The following NPAS3 variants were observed in gnomAD, a reference collection of about 807,000 sequenced individuals.
The protein encoded by NPAS3 is neuronal PAS domain-containing protein 3.
A neutral mutation model predicts 73.1 loss-of-function variants in NPAS3; 14 were observed. The ratio of observed to expected loss-of-function variants is 0.19; its 90% CI spans 0.13 to 0.30. The LOEUF (loss-of-function observed/expected upper bound fraction) is 0.30, where lower values mean the gene tolerates loss of function less well. Ranked by LOEUF, NPAS3 falls within the 10% of genes least tolerant of loss-of-function variation. The pLI, the probability that NPAS3 is intolerant of heterozygous loss-of-function variation, is 1.00. For missense variants in NPAS3, 1,096 were observed against 1,250.0 expected (o/e 0.88, Z 1.86); for synonymous variants, 620 against 541.5 (o/e 1.14, Z -2.01).
chr14:33,379,795 C>T (rs921123042), intron 4 of NPAS3, among the ~76,000 whole-genome samples: 2 of 152,032 alleles, frequency 1.3e-5, no homozygotes, highest in African/African-American at 4.8e-5. Flanking sequence ...GTGGAACACA[C>T]GTGAGGAAAG....
chr14:33,486,685 A>G (rs2051616093), intron 4 of NPAS3, among the ~76,000 whole-genome samples: 1 of 152,126 alleles, frequency 6.6e-6, no homozygotes, highest in Non-Finnish European at 1.5e-5. Context: ...TAACAACCCA[A>G]CACCTGTGAC....
At chr14:32,938,714 C>T (rs1030184569), upstream of NPAS3, among the ~76,000 whole-genome samples, 12 of 149,444 alleles carry the variant, frequency 8.0e-5, no homozygotes, top group South Asian at 2.2e-3. Context: ...CGGGCTGCTC[C>T]GGGTGGTAGA....
At chr14:33,365,296 A>G (rs1228592178) in intron 3 of NPAS3, among the ~76,000 whole-genome samples, 1 of 151,986 alleles carries the variant, frequency 6.6e-6, no homozygotes, top group East Asian at 1.9e-4. Context: ...CTAGAAACTG[A>G]AAACAGTATT....
At chr14:33,560,657 CA>C (rs1595156398) in intron 5 of NPAS3, among the ~76,000 whole-genome samples, 2 of 150,934 alleles carry the variant, frequency 1.3e-5, no homozygotes, top group African/African-American at 2.5e-5. Context: ...AAATGCGTTG[CA>C]GGGAGGGTTC....
At chr14:33,408,269 A>G (rs895626268) in intron 4 of NPAS3, among the ~76,000 whole-genome samples, 4 of 152,068 alleles carry the variant, frequency 2.6e-5, no homozygotes, top group African/African-American at 9.7e-5. Flanking sequence ...TACCTGCCGA[A>G]GTTGGGTCCT....
chr14:33,270,623 G>T (rs1027618799), intron 3 of NPAS3, among the ~76,000 whole-genome samples: 3 of 152,202 alleles, frequency 2.0e-5, no homozygotes, highest in Non-Finnish European at 2.9e-5. Flanking sequence ...TTCACCAGAA[G>T]AGGAATGAGG....
chr14:33,219,460 G>A (rs534303249), intron 3 of NPAS3, among the ~76,000 whole-genome samples: 91 of 152,250 alleles, frequency 6.0e-4, no homozygotes, highest in African/African-American at 2.1e-3. Flanking sequence ...AGGTAACAAT[G>A]CTAAAATATG....
chr14:33,317,903 C>T (rs1240791870), intron 3 of NPAS3, among the ~76,000 whole-genome samples: 1 of 152,056 alleles, frequency 6.6e-6, no homozygotes, highest in African/African-American at 2.4e-5. Flanking sequence ...AGAATACCAT[C>T]ATTCTTAAAT....
chr14:33,778,626 G>A, intron 9 of NPAS3, 54 bp downstream of exon 9: 1 of 1,222,462 alleles, frequency 8.2e-7, no homozygotes, highest in South Asian at 1.2e-5. Context: ...CAATCTCTGA[G>A]GCTTGTTTGG....
chr14:33,568,708 G>A (rs1203848777), intron 5 of NPAS3, among the ~76,000 whole-genome samples: 2 of 152,178 alleles, frequency 1.3e-5, no homozygotes, highest in South Asian at 2.1e-4. Context: ...AGAAGATAAG[G>A]TTTCATGACA....
At chr14:33,524,935 C>T (rs551746105) in intron 4 of NPAS3, among the ~76,000 whole-genome samples, 19 of 152,236 alleles carry the variant, frequency 1.2e-4, no homozygotes, top group African/African-American at 4.6e-4. Flanking sequence ...ACTAATAACC[C>T]CATCTTAACT....
intron 4 of NPAS3, among the ~76,000 whole-genome samples, chr14:33,519,191 T>G (rs758255438): frequency 6.6e-6 from 1 of 152,156 alleles, no homozygotes; most frequent in Non-Finnish European, 1.5e-5. Context: ...ACTGTTTCGC[T>G]GGCATCCTTT....
intron 4 of NPAS3, among the ~76,000 whole-genome samples, chr14:33,516,480 T>C (rs1351347046): frequency 2.6e-5 from 4 of 152,150 alleles, no homozygotes; most frequent in African/African-American, 9.6e-5. Context: ...TTCTTTCCCC[T>C]AGTACGAGGA....
intron 3 of NPAS3, among the ~76,000 whole-genome samples, chr14:33,257,458 G>T (rs902554036): frequency 2.0e-5 from 3 of 152,100 alleles, no homozygotes; most frequent in African/African-American, 7.2e-5. Flanking sequence ...CCTTGAAACA[G>T]ACCTAAAATA....
intron 7 of NPAS3, among the ~76,000 whole-genome samples, chr14:33,764,798 G>A (rs1273018757): frequency 1.3e-5 from 2 of 152,214 alleles, no homozygotes; most frequent in Non-Finnish European, 2.9e-5. Context: ...CCTTCTCTAG[G>A]AGACTTTAAT....
chr14:33,676,621 G>GTTCTT (rs2059775706), intron 6 of NPAS3, among the ~76,000 whole-genome samples: 1 of 152,206 alleles, frequency 6.6e-6, no homozygotes, highest in African/African-American at 2.4e-5. Context: ...GAAGGTACTA[G>GTTCTT]TTCTTTTAGT....
intron 2 of NPAS3, among the ~76,000 whole-genome samples, chr14:33,068,027 G>C (rs1213220615): frequency 6.6e-6 from 1 of 152,090 alleles, no homozygotes; most frequent in Non-Finnish European, 1.5e-5. Flanking sequence ...CTCCTAACTA[G>C]TGTTCTTATC....
intron 2 of NPAS3, among the ~76,000 whole-genome samples, chr14:33,193,345 C>G (rs762737091): frequency 1.3e-5 from 2 of 152,008 alleles, no homozygotes; most frequent in Non-Finnish European, 2.9e-5. Context: ...GAAATCCCAG[C>G]CATAGGGGAG....
chr14:33,379,977 C>CGTGT (rs34208750), intron 4 of NPAS3, among the ~76,000 whole-genome samples: 31,779 of 144,108 alleles, frequency 0.22, 3,699 homozygotes, highest in Non-Finnish European at 0.27. Flanking sequence ...AGTTATCCCT[C>CGTGT]GTGTGTGTGT....
Sources: gnomAD v4.1 joint callset for allele counts (sites outside exome capture counted in the v4.1 genomes callset) on GRCh38, gnomAD v4.1.1 for gene constraint, MANE v1.5 for transcripts, NCBI Gene and HGNC (gene_info 2026-07-23, HGNC 2026-07-21) for gene names.